Variants in WSCD2 observed in about 807,000 individuals in gnomAD.
The protein encoded by WSCD2 is WSC domain sialate O sulfotransferase 2.
A neutral mutation model predicts 55.7 loss-of-function variants in WSCD2; 28 were observed. That is an observed-to-expected ratio of 0.50 (90% CI 0.37 to 0.69). WSCD2 has a LOEUF of 0.69. WSCD2 is among the 30% of genes least tolerant of loss of function. The pLI, the probability that WSCD2 is intolerant of heterozygous loss-of-function variation, is 0.00. For missense variants in WSCD2, 616 were observed against 762.1 expected (o/e 0.81, Z 2.26); for synonymous variants, 301 against 301.9 (o/e 1.00, Z 0.03).
At chr12:108,132,727 TCTGC>T (rs1437390344) in intron 1 of WSCD2, among the ~76,000 whole-genome samples, 1 of 152,244 alleles carries the variant, frequency 6.6e-6, no homozygotes, top group Non-Finnish European at 1.5e-5. Context: ...AGCTATACTC[TCTGC>T]CTGGTGCATG....
intron 7 of WSCD2, among the ~76,000 whole-genome samples, chr12:108,239,832 G>GC (rs1889575107): frequency 6.6e-6 from 1 of 152,118 alleles, no homozygotes; most frequent in Non-Finnish European, 1.5e-5. Flanking sequence ...TCCCGCTTCA[G>GC]CCCCCCAAGT....
At chr12:108,242,187 A>G (rs1293515772) in intron 8 of WSCD2, among the ~76,000 whole-genome samples, 1 of 152,124 alleles carries the variant, frequency 6.6e-6, no homozygotes, top group Non-Finnish European at 1.5e-5. Flanking sequence ...AACACCCTCA[A>G]CACTGACTTC....
At chr12:108,164,139 C>CTTTTTTTTTTTTTTTTTTTTTT (rs1555224800) in intron 1 of WSCD2, among the ~76,000 whole-genome samples, 1 of 85,310 alleles carries the variant, frequency 1.2e-5, no homozygotes, top group Non-Finnish European at 2.2e-5. Flanking sequence ...ATCTTAAATC[C>CTTTTTTTTTTTTTTTTTTTTTT]TTTTTTTTTT....
intron 3 of WSCD2, among the ~76,000 whole-genome samples, chr12:108,208,979 T>C (rs1885782423): frequency 6.6e-6 from 1 of 152,234 alleles, no homozygotes; most frequent in South Asian, 2.1e-4. Context: ...AAAGATATTA[T>C]ATTCTAGAGA....
At chr12:108,168,950 C>T (rs1879940100) in intron 1 of WSCD2, among the ~76,000 whole-genome samples, 1 of 152,298 alleles carries the variant, frequency 6.6e-6, no homozygotes, top group Admixed American at 6.5e-5. Context: ...AAGCAGTGGG[C>T]CAGTGAACAA....
intron 1 of WSCD2, among the ~76,000 whole-genome samples, chr12:108,154,724 A>G (rs576904299): frequency 2.6e-5 from 4 of 152,212 alleles, no homozygotes; most frequent in South Asian, 2.1e-4. Context: ...TCTTTTTCGG[A>G]TTAATAATGT....
chr12:108,154,069 C>A (rs1018346549), intron 1 of WSCD2, among the ~76,000 whole-genome samples: 1 of 152,180 alleles, frequency 6.6e-6, no homozygotes, highest in Non-Finnish European at 1.5e-5. Context: ...TTAGAGAAAG[C>A]AGAGGCACCA....
chr12:108,148,843 A>T (rs1877671413), intron 1 of WSCD2, among the ~76,000 whole-genome samples: 2 of 152,194 alleles, frequency 1.3e-5, no homozygotes. Flanking sequence ...TACTGTTATC[A>T]TCCCATTTTT....
intron 2 of WSCD2, among the ~76,000 whole-genome samples, chr12:108,198,826 C>A (rs56184735): frequency 6.6e-6 from 1 of 152,130 alleles, no homozygotes; most frequent in African/African-American, 2.4e-5. Context: ...TAATTACTAC[C>A]ACTCAGTAAG....
At chr12:108,204,738 T>C (rs1885117269) in intron 2 of WSCD2, among the ~76,000 whole-genome samples, 1 of 152,194 alleles carries the variant, frequency 6.6e-6, no homozygotes, top group African/African-American at 2.4e-5. Context: ...AAATTCAAGG[T>C]GATCAGGTCA....
chr12:108,181,089 C>G (rs1881670302), intron 1 of WSCD2, among the ~76,000 whole-genome samples: 1 of 152,232 alleles, frequency 6.6e-6, no homozygotes, highest in Non-Finnish European at 1.5e-5. Flanking sequence ...ACTCCCTGTG[C>G]ACTGCCATGG....
chr12:108,240,890 C>T (rs956677202), intron 8 of WSCD2, among the ~76,000 whole-genome samples: 2 of 152,184 alleles, frequency 1.3e-5, no homozygotes, highest in Non-Finnish European at 2.9e-5. Context: ...ACTTACATGG[C>T]CCCATCTATA....
chr12:108,136,812 G>A (rs1876276104), intron 1 of WSCD2, among the ~76,000 whole-genome samples: 1 of 152,216 alleles, frequency 6.6e-6, no homozygotes, highest in Non-Finnish European at 1.5e-5. Flanking sequence ...CTCGGAGGAA[G>A]CTTTCCCTTT....
chr12:108,242,612 T>A (rs1377373489), intron 8 of WSCD2, among the ~76,000 whole-genome samples: 2 of 152,200 alleles, frequency 1.3e-5, no homozygotes, highest in African/African-American at 2.4e-5. Context: ...ATCAGTATAT[T>A]TTTTTTCAAC....
At chr12:108,230,303 C>T (rs1023158834) in intron 6 of WSCD2, among the ~76,000 whole-genome samples, 1 of 152,176 alleles carries the variant, frequency 6.6e-6, no homozygotes, top group African/African-American at 2.4e-5. Context: ...ACAGATGTCC[C>T]CTGGTTTATT....
chr12:108,243,220 T>C (rs1161793060), intron 8 of WSCD2, among the ~76,000 whole-genome samples: 2 of 152,186 alleles, frequency 1.3e-5, no homozygotes, highest in Non-Finnish European at 2.9e-5. Context: ...CAGAAATCTG[T>C]GTGTGTGGTT....
intron 1 of WSCD2, among the ~76,000 whole-genome samples, chr12:108,159,835 C>T (rs993331657): frequency 5.3e-5 from 8 of 152,268 alleles, no homozygotes; most frequent in Non-Finnish European, 8.8e-5. Context: ...TTTTTCTCAG[C>T]GTTGGCTTTT....
intron 1 of WSCD2, among the ~76,000 whole-genome samples, chr12:108,169,918 A>T (rs184557376): frequency 1.3e-5 from 2 of 152,352 alleles, no homozygotes; most frequent in East Asian, 3.9e-4. Flanking sequence ...CGAGCAGCAC[A>T]TTAAAGACCC....
rs1036836938 is a variant in WSCD2, at chr12:108,204,237, T to TCA, written c.383-2041_383-2040dup. 5.6e-4 allele frequency among the ~76,000 whole-genome samples: 85 copies of TCA among 151,670 alleles called. 1 individual carries two copies. Among genetic ancestry groups the TCA allele is most frequent in the South Asian group, 2.1e-4 (1 of 4,816 alleles). On this transcript the variant is annotated intron_variant, in intron 2 of 8. Coordinates refer to ENST00000547525, the MANE Select transcript of WSCD2 (RefSeq NM_014653.4). ...GTTTCTGTCTTTGTCTCTCTCTCTC[T>TCA]CACACACACACAGACACACAACCTG...
Sources: allele counts gnomAD v4.1 joint callset (sites outside exome capture counted in the v4.1 genomes callset), GRCh38; gene constraint gnomAD v4.1.1; transcripts MANE v1.5; gene names NCBI Gene and HGNC (gene_info 2026-07-23, HGNC 2026-07-21).